The following NTM variants were observed in gnomAD, a reference collection of about 807,000 sequenced individuals.
NTM encodes the protein neurotrimin, also known as IgLON family member 2.
In NTM, 13 loss-of-function variants were observed where a neutral mutation model predicts 42.1. The ratio of observed to expected loss-of-function variants is 0.31; its 90% confidence interval spans 0.20 to 0.49. The LOEUF (loss-of-function observed/expected upper bound fraction) is 0.49, where lower values mean the gene tolerates loss of function less well. Among genes scored for constraint, NTM ranks in the 20% least tolerant of loss-of-function variants. The pLI is 0.99. For synonymous variants in NTM, 187 were observed against 179.2 expected (o/e 1.04, Z -0.35); for missense variants, 373 against 452.8 (o/e 0.82, Z 1.60).
intron 1 of NTM, chr11:131,671,497 C>T (rs868163834): frequency 3.0e-6 from 3 of 985,170 alleles, no homozygotes; most frequent in Non-Finnish European, 1.2e-6. Context: ...TAGCCCTGGG[C>T]TGGCAGGGCC....
intron 4 of NTM, among the ~76,000 whole-genome samples, chr11:132,276,897 C>T (rs866544763): frequency 5.9e-5 from 9 of 152,120 alleles, no homozygotes; most frequent in Non-Finnish European, 1.0e-4. Context: ...TATGACTATC[C>T]GAGGTGTAGG....
intron 1 of NTM, chr11:131,385,113 G>A (rs1487902649): frequency 1.3e-5 from 2 of 152,226 alleles, no homozygotes; most frequent in Admixed American, 6.5e-5. Flanking sequence ...CTCTTGTCCA[G>A]GACTCAGCCA....
At chr11:132,129,314 G>A (rs961614170) in intron 2 of NTM, among the ~76,000 whole-genome samples, 2 of 152,128 alleles carry the variant, frequency 1.3e-5, no homozygotes, top group African/African-American at 4.8e-5. Context: ...ACCAACTTAG[G>A]GGATAGTTTT....
At chr11:131,971,305 A>T (rs1030320130) in intron 2 of NTM, among the ~76,000 whole-genome samples, 3 of 151,878 alleles carry the variant, frequency 2.0e-5, no homozygotes, top group Non-Finnish European at 4.4e-5. Flanking sequence ...TTTCATTTGC[A>T]TTTCTCTGGT....
chr11:131,762,914 T>C (rs1252450475), intron 1 of NTM, among the ~76,000 whole-genome samples: 2 of 152,204 alleles, frequency 1.3e-5, no homozygotes, highest in African/African-American at 4.8e-5. Flanking sequence ...CGCTGAGCGA[T>C]GCCATGTGCT....
At chr11:131,732,958 AT>A (rs1392768944) in intron 1 of NTM, among the ~76,000 whole-genome samples, 2 of 152,144 alleles carry the variant, frequency 1.3e-5, no homozygotes, top group African/African-American at 4.8e-5. Context: ...AATTTATATA[AT>A]TAGTATGATG....
At chr11:132,044,511 A>G (rs924995236) in intron 2 of NTM, among the ~76,000 whole-genome samples, 3 of 152,120 alleles carry the variant, frequency 2.0e-5, no homozygotes, top group African/African-American at 7.2e-5. Flanking sequence ...CTCATCCAGT[A>G]GCACCTCTTT....
intron 1 of NTM, among the ~76,000 whole-genome samples, chr11:131,516,387 T>C (rs957967211): frequency 3.9e-5 from 6 of 152,206 alleles, no homozygotes; most frequent in African/African-American, 1.4e-4. Flanking sequence ...TTTCTTTTTA[T>C]TTTTTTATTA....
chr11:131,980,771 C>G (rs1468615473), intron 2 of NTM, among the ~76,000 whole-genome samples: 1 of 152,076 alleles, frequency 6.6e-6, no homozygotes, highest in African/African-American at 2.4e-5. Flanking sequence ...GGAAGTTAAA[C>G]AAATAAGTAC....
chr11:132,238,535 A>AGAAGACAGAAGACG (rs2089545396), intron 4 of NTM, among the ~76,000 whole-genome samples: 1 of 152,132 alleles, frequency 6.6e-6, no homozygotes, highest in Admixed American at 6.5e-5. Context: ...GACAGAAGAC[A>AGAAGACAGAAGACG]GAACTAGACA....
At chr11:131,557,024 T>C (rs2136961698) in intron 1 of NTM, among the ~76,000 whole-genome samples, 1 of 152,148 alleles carries the variant, frequency 6.6e-6, no homozygotes, top group Non-Finnish European at 1.5e-5. Flanking sequence ...TGTGTGTGTG[T>C]CTGCAAAGGG....
chr11:132,088,195 A>C (rs2059966192), intron 2 of NTM, among the ~76,000 whole-genome samples: 1 of 152,238 alleles, frequency 6.6e-6, no homozygotes, highest in Non-Finnish European at 1.5e-5. Context: ...ATACCATAGA[A>C]AATACAGGGT....
chr11:132,300,856 C>T (rs548427211), intron 4 of NTM, among the ~76,000 whole-genome samples: 1 of 152,290 alleles, frequency 6.6e-6, no homozygotes, highest in East Asian at 1.9e-4. Context: ...CCCCCTTTGA[C>T]AGTCTCTCAC....
At chr11:131,412,820 A>G (rs201123734) in intron 1 of NTM, among the ~76,000 whole-genome samples, 2 of 131,798 alleles carry the variant, frequency 1.5e-5, no homozygotes, top group South Asian at 2.5e-4. Flanking sequence ...GTGTGTGTGT[A>G]TGTTTCTTAA....
At chr11:131,922,397 A>T (rs1463531013) in intron 2 of NTM, 1 of 152,206 alleles carries the variant, frequency 6.6e-6, no homozygotes, top group East Asian at 1.9e-4. Context: ...TTTAATGATG[A>T]CATTCAAACT....
intron 1 of NTM, among the ~76,000 whole-genome samples, chr11:131,793,788 T>C (rs539763049): frequency 6.6e-6 from 1 of 152,270 alleles, no homozygotes; most frequent in Admixed American, 6.5e-5. Context: ...GTTGAAAATG[T>C]TGAGGCCTGT....
intron 4 of NTM, among the ~76,000 whole-genome samples, chr11:132,303,615 A>G (rs1219634499): frequency 6.6e-6 from 1 of 152,056 alleles, no homozygotes; most frequent in East Asian, 1.9e-4. Context: ...TTGGGAGGAC[A>G]CAATTGAACC....
intron 2 of NTM, among the ~76,000 whole-genome samples, chr11:132,071,534 C>A (rs997916039): frequency 1.3e-5 from 2 of 152,240 alleles, no homozygotes; most frequent in African/African-American, 4.8e-5. Flanking sequence ...TCATTTGATT[C>A]AAATGTGGGA....
chr11:131,610,949 G>A (rs954746996), intron 1 of NTM, among the ~76,000 whole-genome samples: 2 of 152,192 alleles, frequency 1.3e-5, no homozygotes, highest in Non-Finnish European at 2.9e-5. Context: ...TCTGGTGAAA[G>A]CGTGCAGAAT....
Sources: allele counts gnomAD v4.1 joint callset (sites outside exome capture counted in the v4.1 genomes callset), GRCh38; gene constraint gnomAD v4.1.1; transcripts MANE v1.5; gene names NCBI Gene and HGNC (gene_info 2026-07-23, HGNC 2026-07-21).